MAP3K13: variants seen among roughly 807,000 people sequenced by gnomAD.
The protein encoded by MAP3K13 is leucine zipper-bearing kinase.
In MAP3K13, 52 loss-of-function variants were observed where a neutral mutation model predicts 104.0. The ratio of observed to expected loss-of-function variants is 0.50; its 90% CI spans 0.40 to 0.63. The LOEUF (loss-of-function observed/expected upper bound fraction) is 0.63. Ranked by LOEUF, MAP3K13 falls within the 20% of genes least tolerant of loss-of-function variation. The pLI is 0.00. For synonymous variants in MAP3K13, 394 were observed against 442.2 expected (o/e 0.89, Z 1.37); for missense variants, 914 against 1,218.5 (o/e 0.75, Z 3.72).
At position 185,482,009 on chromosome 3, in the gene MAP3K13, G is replaced by A. The variant is rs760548959; in HGVS notation, c.2800-346G>A. 7.2e-5 allele frequency among the ~76,000 whole-genome samples: 11 copies of A among 152,100 alleles called. No individual in the cohort carries two copies. The highest frequency in any genetic ancestry group is 1.2e-4 in the African/African-American group (5 of 41,414). ...TGAGGCAGGAGAATCGCTTGAATCC[G>A]GGAGGCGGAGGTTGCAGCGAGCCAA... On this transcript the variant is annotated intron_variant, in intron 13 of 13. Coordinates refer to ENST00000265026, the MANE Select transcript of MAP3K13 (RefSeq NM_004721.5). This position sits in a 1 kb window ranked among gnomAD's most constrained non-coding sequence, Gnocchi z 4.5.
At chr3:185,452,617 G>A (rs574728693) in intron 7 of MAP3K13, among the ~76,000 whole-genome samples, 14 of 152,150 alleles carry the variant, frequency 9.2e-5, no homozygotes, top group Non-Finnish European at 2.1e-4. Flanking sequence ...TTTGGGCCAG[G>A]CAGTTCTACT....
At chr3:185,463,337 A>G (rs529415923) in intron 7 of MAP3K13, among the ~76,000 whole-genome samples, 175 of 152,336 alleles carry the variant, frequency 1.1e-3, no homozygotes, top group Non-Finnish European at 2.2e-3. Flanking sequence ...AGCATCATAT[A>G]TTGGAGTAGA....
intron 2 of MAP3K13, among the ~76,000 whole-genome samples, chr3:185,434,792 T>C (rs914557771): frequency 6.6e-6 from 1 of 152,102 alleles, no homozygotes; most frequent in African/African-American, 2.4e-5. Flanking sequence ...AAAGATTGAG[T>C]AAATAGGGTA....
intron 1 of MAP3K13, among the ~76,000 whole-genome samples, chr3:185,283,709 C>A (rs1720394636): frequency 6.6e-6 from 1 of 151,900 alleles, no homozygotes; most frequent in Non-Finnish European, 1.5e-5. Context: ...TATTCTTATC[C>A]GGGTGGAGAG....
At chr3:185,454,473 TGA>T (rs1335961410) in intron 7 of MAP3K13, among the ~76,000 whole-genome samples, 2 of 110,660 alleles carry the variant, frequency 1.8e-5, no homozygotes, top group Admixed American at 1.1e-4. Flanking sequence ...GATATATATA[TGA>T]GATATATATG....
At chr3:185,316,018 G>A (rs928421150) in intron 2 of MAP3K13, among the ~76,000 whole-genome samples, 24 of 152,058 alleles carry the variant, frequency 1.6e-4, no homozygotes, top group African/African-American at 5.3e-4. Context: ...ATCTTAGAGG[G>A]CAAAGTGCGT....
In MAP3K13 at chr3:185,419,123, TCTC is replaced by T. The variant is rs559714438; in HGVS notation, c.-85-9371_-85-9369del. ...CCTCTGCCTCCCGGGTTAAAGCAAT[TCTC>T]CTGCCTCAGCCTCCTGAGTAGCTGG... is the stretch of plus-strand genomic sequence containing the variant. On this transcript the variant is annotated intron_variant, in intron 1 of 13. Coordinates refer to ENST00000265026, the MANE Select transcript of MAP3K13 (RefSeq NM_004721.5). Among the ~76,000 whole-genome samples, 317 of 152,108 alleles carry T rather than the reference TCTC, an allele frequency of 2.1e-3. 1 individual carries two copies. Among genetic ancestry groups the T allele is most frequent in the African/African-American group, 7.4e-3 (306 of 41,502 alleles).
At position 185,486,990 on chromosome 3, in the gene MAP3K13, T is replaced by G. The variant is rs563693968; in HGVS notation, c.*4534T>G. ...GCTACTTGAAGTTGAGATACTATAT[T>G]TTAAAATGTTGGCATCAAACAAATC... On this transcript the variant is annotated 3_prime_UTR_variant, in exon 14 of 14. Transcript: ENST00000265026. The G allele has an allele frequency of 8.1e-4, 123 of 152,312 alleles. 1 individual carries two copies. The highest frequency in any genetic ancestry group is 2.8e-3 in the African/African-American group (118 of 41,584). 9.4% of individuals were successfully genotyped at this position (152,312 alleles called of 1,614,324 possible). A position where few individuals can be genotyped will look rare whatever the true frequency, so the allele number is the denominator to read the frequency against.
rs1315936376 is a variant in MAP3K13 at position 185,454,701 on chromosome 3, A to T, written c.1278+3306A>T. On this transcript the variant is annotated intron_variant, in intron 7 of 13. Transcript: ENST00000265026. ...TTTATATGATATATATATGAGATAT[A>T]TATATCATATATGAGATATATATGA... Among the ~76,000 whole-genome samples the T allele has an allele frequency of 7.7e-3, 208 of 27,106 alleles. 57 individuals carry two copies. The highest frequency in any genetic ancestry group is 0.026 in the South Asian group (13 of 502). 17.8% of individuals were successfully genotyped at this position (27,106 alleles called of 152,430 possible). A position where few individuals can be genotyped will look rare whatever the true frequency, so the allele number is the denominator to read the frequency against.
rs1019095663 is a variant in MAP3K13 at position 185,486,941 on chromosome 3, A to G, written c.*4485A>G. ...TGAGAAAGATGAAGATGCTAGCTCT[A>G]TTGTAAACTGGCGTCTTCATCTAGC... On this transcript the variant is annotated 3_prime_UTR_variant, in exon 14 of 14. Transcript: ENST00000265026. The G allele has an allele frequency of 3.9e-5, 6 of 152,224 alleles. No homozygotes were observed. Among genetic ancestry groups the G allele is most frequent in the African/African-American group, 1.4e-4 (6 of 41,466 alleles). The allele number at this position is 152,224 out of a possible 1,614,324, so 9.4% of individuals were successfully genotyped here.
intron 10 of MAP3K13, among the ~76,000 whole-genome samples, chr3:185,469,811 T>C (rs1288898845): frequency 1.3e-5 from 2 of 152,234 alleles, no homozygotes; most frequent in Non-Finnish European, 2.9e-5. Context: ...GTGATTTGTA[T>C]GTGCCTTCAA....
At chr3:185,475,517 A>T (rs1445169991) in intron 11 of MAP3K13, among the ~76,000 whole-genome samples, 2 of 152,140 alleles carry the variant, frequency 1.3e-5, no homozygotes, top group Admixed American at 1.3e-4. Flanking sequence ...CTCCACCTAC[A>T]TTGCTGCTCC....
In MAP3K13 at chr3:185,378,880, A is replaced by G. The variant is rs142556631; in HGVS notation, c.-86+15512A>G. On this transcript the variant is annotated intron_variant, in intron 1 of 13. Transcript: ENST00000265026. ...TGCCATTTTCTGGCCATTTAGAACCATTGTCGTGTTTGTATTGGGGCCAAG... is the reference window on the plus strand; with the variant it reads ...TGCCATTTTCTGGCCATTTAGAACCGTTGTCGTGTTTGTATTGGGGCCAAG... Among the ~76,000 whole-genome samples the G allele has an allele frequency of 3.3e-3, 502 of 152,240 alleles. 2 individuals carry two copies. Among genetic ancestry groups the G allele is most frequent in the African/African-American group, 0.012 (482 of 41,540 alleles).
intron 1 of MAP3K13, among the ~76,000 whole-genome samples, chr3:185,375,507 A>G (rs188424762): frequency 1.4e-3 from 218 of 152,280 alleles, no homozygotes; most frequent in Non-Finnish European, 2.5e-3. Context: ...TGACAACAGA[A>G]TAGAATGGGC....
rs73887868 is a variant in MAP3K13, at chr3:185,341,254, A to C, written c.-86+55611A>C. Among the ~76,000 whole-genome samples the C allele has an allele frequency of 7.1e-3, 1,087 of 152,326 alleles. 15 individuals carry two copies. The highest frequency in any genetic ancestry group is 0.025 in the African/African-American group (1,030 of 41,576). On this transcript the variant is annotated intron_variant, in intron 2 of 14. Transcript: ENST00000424227. ...CAACTGGTATCCTTATAAGAAGAGG[A>C]GAGGACACACAGAGAAATATATAGA...
chr3:185,403,196 G>C (rs964227834), intron 1 of MAP3K13, among the ~76,000 whole-genome samples: 2 of 152,188 alleles, frequency 1.3e-5, no homozygotes, highest in Non-Finnish European at 2.9e-5. Flanking sequence ...ATTCAGATCA[G>C]TTGAGAGTAT....
intron 7 of MAP3K13, among the ~76,000 whole-genome samples, chr3:185,462,759 C>T (rs879829624): frequency 6.6e-6 from 1 of 152,072 alleles, no homozygotes; most frequent in South Asian, 2.1e-4. Flanking sequence ...GGTGACAGAG[C>T]GAGACTCCGT....
intron 1 of MAP3K13, among the ~76,000 whole-genome samples, chr3:185,402,597 A>G (rs1712877652): frequency 6.6e-6 from 1 of 152,174 alleles, no homozygotes; most frequent in Non-Finnish European, 1.5e-5. Context: ...TAAGATCTCT[A>G]ACATCTCCAC....
At chr3:185,357,302 G>A (rs1159559944) in intron 2 of MAP3K13, among the ~76,000 whole-genome samples, 2 of 151,796 alleles carry the variant, frequency 1.3e-5, no homozygotes, top group Non-Finnish European at 2.9e-5. Flanking sequence ...AAAAAAATTA[G>A]CTGCATGTGG....
Sources: gnomAD v4.1 joint callset for allele counts (sites outside exome capture counted in the v4.1 genomes callset) on GRCh38, gnomAD v4.1.1 for gene constraint, Gnocchi (gnomAD v3.1) non-coding constraint, MANE v1.5 for transcripts, NCBI Gene and HGNC (gene_info 2026-07-23, HGNC 2026-07-21) for gene names.